Variants in PCDH15 observed in about 807,000 individuals in gnomAD.
The protein encoded by PCDH15 is protocadherin related 15.
In PCDH15, 129 loss-of-function variants were observed where a neutral mutation model predicts 178.5. The ratio of observed to expected loss-of-function variants is 0.72; its 90% confidence interval spans 0.63 to 0.84. The LOEUF (loss-of-function observed/expected upper bound fraction) is 0.84. Among genes scored for constraint, PCDH15 ranks in the 40% least tolerant of loss-of-function variants. The pLI, the probability that PCDH15 is intolerant of heterozygous loss-of-function variation, is 0.00. For synonymous variants in PCDH15, 800 were observed against 732.0 expected (o/e 1.09, Z -1.50); for missense variants, 2,230 against 2,099.9 (o/e 1.06, Z -1.21).
chr10:54,009,316 C>T (rs890604577), intron 20 of PCDH15, among the ~76,000 whole-genome samples: 5 of 151,648 alleles, frequency 3.3e-5, no homozygotes, highest in Admixed American at 2.0e-4. Context: ...GACATGTGGA[C>T]CCCCGAGAAA....
chr10:54,471,462 A>G (rs754846452), intron 3 of PCDH15, among the ~76,000 whole-genome samples: 7 of 152,176 alleles, frequency 4.6e-5, no homozygotes, highest in Non-Finnish European at 1.0e-4. Context: ...CCATGCAATC[A>G]TTTAGCAATT....
chr10:55,272,507 C>T (rs1429901933), intron 1 of PCDH15, among the ~76,000 whole-genome samples: 1 of 151,718 alleles, frequency 6.6e-6, no homozygotes, highest in African/African-American at 2.4e-5. Flanking sequence ...TGGGTTCAAG[C>T]GATTCTCCTG....
At chr10:53,912,735 G>A (rs2083203188) in intron 25 of PCDH15, among the ~76,000 whole-genome samples, 1 of 152,032 alleles carries the variant, frequency 6.6e-6, no homozygotes, top group Non-Finnish European at 1.5e-5. Flanking sequence ...AACTTACAAG[G>A]GATGCGAAGG....
chr10:55,559,970 T>G (rs1244382871), intron 2 of PCDH15, among the ~76,000 whole-genome samples: 2 of 151,900 alleles, frequency 1.3e-5, no homozygotes, highest in African/African-American at 4.8e-5. Flanking sequence ...AAACAGGCAG[T>G]GATTATACGC....
At position 55,199,659 on chromosome 10, in the gene PCDH15, C is replaced by A. The variant is rs548310855; in HGVS notation, c.-155-33008G>T. On this transcript the variant is annotated intron_variant, in intron 1 of 5. Transcript: ENST00000458638. ...CATTTCAGGGACCTTTGTGGCAGCCCCTCCCATCACAGACCTGGGGACCTA... is the reference window on the plus strand; with the variant it reads ...CATTTCAGGGACCTTTGTGGCAGCCACTCCCATCACAGACCTGGGGACCTA... 3.9e-5 allele frequency among the ~76,000 whole-genome samples: 6 copies of A among 152,164 alleles called. No individual in the cohort carries two copies. In the East Asian group the frequency reaches 9.7e-4, roughly 25 times the overall value.
intron 2 of PCDH15, among the ~76,000 whole-genome samples, chr10:55,583,537 G>A (rs968001739): frequency 6.6e-6 from 1 of 152,084 alleles, no homozygotes; most frequent in Non-Finnish European, 1.5e-5. Context: ...AGGTTCAAGG[G>A]AACTTCCTGC....
chr10:55,131,452 C>A (rs1564823231), intron 2 of PCDH15, among the ~76,000 whole-genome samples: 3 of 152,170 alleles, frequency 2.0e-5, no homozygotes, highest in Admixed American at 6.5e-5. Context: ...TCACCCACAA[C>A]GTGGTGAGTG....
intron 16 of PCDH15, among the ~76,000 whole-genome samples, chr10:54,083,436 T>C (rs775138224): frequency 7.9e-5 from 12 of 152,190 alleles, no homozygotes; most frequent in Middle Eastern, 3.2e-3. Context: ...AATGGAATAT[T>C]ACGTAGCCAT....
At chr10:55,324,507 T>C (rs1843981617), upstream of PCDH15, among the ~76,000 whole-genome samples, 1 of 152,080 alleles carries the variant, frequency 6.6e-6, no homozygotes, top group Non-Finnish European at 1.5e-5. Flanking sequence ...GAGTATTACA[T>C]AACGGTAAAG....
At chr10:54,650,128 A>G (rs2094222159) in intron 2 of PCDH15, among the ~76,000 whole-genome samples, 1 of 152,200 alleles carries the variant, frequency 6.6e-6, no homozygotes, top group South Asian at 2.1e-4. Flanking sequence ...TGTCATCAGT[A>G]CTAACATTGG....
chr10:55,504,568 C>G (rs189183292), intron 2 of PCDH15, among the ~76,000 whole-genome samples: 1 of 151,286 alleles, frequency 6.6e-6, no homozygotes, highest in African/African-American at 2.4e-5. Context: ...TTCTAAGCTT[C>G]ATTTCTCATC....
intron 3 of PCDH15, among the ~76,000 whole-genome samples, chr10:54,502,775 A>T (rs1351750674): frequency 6.6e-6 from 1 of 152,076 alleles, no homozygotes; most frequent in Non-Finnish European, 1.5e-5. Flanking sequence ...TTGGGCTTGA[A>T]TGCAGTTTCC....
At chr10:55,256,492 A>G (rs1289814845) in intron 1 of PCDH15, among the ~76,000 whole-genome samples, 1 of 152,246 alleles carries the variant, frequency 6.6e-6, no homozygotes, top group Non-Finnish European at 1.5e-5. Flanking sequence ...AAGGGGTGAC[A>G]GACAGCACCT....
intron 2 of PCDH15, among the ~76,000 whole-genome samples, chr10:54,983,464 T>G (rs1166477484): frequency 6.6e-6 from 1 of 152,176 alleles, no homozygotes; most frequent in Non-Finnish European, 1.5e-5. Context: ...AATTTTGTAC[T>G]ACATAAGACC....
intron 17 of PCDH15, among the ~76,000 whole-genome samples, chr10:54,069,497 G>GA (rs1382417439): frequency 3.3e-5 from 5 of 151,956 alleles, no homozygotes; most frequent in South Asian, 2.1e-4. Context: ...TATATGACAT[G>GA]AAAAAAATCC....
chr10:54,412,978 T>C (rs1203479112), intron 3 of PCDH15, among the ~76,000 whole-genome samples: 1 of 152,204 alleles, frequency 6.6e-6, no homozygotes, highest in African/African-American at 2.4e-5. Flanking sequence ...AGCCTGTTGA[T>C]GCACACAGGA....
At chr10:54,513,241 G>GTTTATTTATTTATTTA (rs201541722) in intron 3 of PCDH15, among the ~76,000 whole-genome samples, 2 of 145,882 alleles carry the variant, frequency 1.4e-5, no homozygotes, top group South Asian at 2.2e-4. Flanking sequence ...ATTTATTTTT[G>GTTTATTTATTTATTTA]TTTATTTATT....
intron 23 of PCDH15, among the ~76,000 whole-genome samples, chr10:53,945,657 C>G (rs888969014): frequency 2.0e-5 from 3 of 151,566 alleles, no homozygotes; most frequent in Non-Finnish European, 2.9e-5. Context: ...TTTATTAGAT[C>G]ACTATTAGAA....
At chr10:55,069,399 G>T (rs1464278929) in intron 2 of PCDH15, among the ~76,000 whole-genome samples, 2 of 146,726 alleles carry the variant, frequency 1.4e-5, no homozygotes, top group African/African-American at 5.0e-5. Flanking sequence ...TTAGCATTAG[G>T]TGTATCTCCT....
Sources: allele counts gnomAD v4.1 joint callset (sites outside exome capture counted in the v4.1 genomes callset), GRCh38; gene constraint gnomAD v4.1.1; transcripts MANE v1.5; gene names NCBI Gene and HGNC (gene_info 2026-07-23, HGNC 2026-07-21).